PHLDB2: variants seen among roughly 807,000 people sequenced by gnomAD.
The protein encoded by PHLDB2 is pleckstrin homology-like domain family B member 2.
Under a neutral mutation model 123.6 loss-of-function variants are expected in PHLDB2, and 71 were observed. That is an observed-to-expected ratio of 0.57 (90% CI 0.47 to 0.70). The LOEUF (loss-of-function observed/expected upper bound fraction) is 0.70, where lower values mean the gene tolerates loss of function less well. Ranked by LOEUF, PHLDB2 falls within the 30% of genes least tolerant of loss-of-function variation. The pLI is 0.00. For missense variants in PHLDB2, 1,446 were observed against 1,519.5 expected (o/e 0.95, Z 0.80); for synonymous variants, 547 against 541.6 (o/e 1.01, Z -0.14).
intron 1 of PHLDB2, among the ~76,000 whole-genome samples, chr3:111,807,951 T>TTG (rs141713107): frequency 0.083 from 8,177 of 98,832 alleles, 254 homozygotes; most frequent in Middle Eastern, 0.15. Flanking sequence ...TGGGTGTTTT[T>TTG]TTTTTTTTTT....
intron 2 of PHLDB2, among the ~76,000 whole-genome samples, chr3:111,851,767 G>A (rs917292873): frequency 2.6e-5 from 4 of 151,928 alleles, no homozygotes; most frequent in Non-Finnish European, 5.9e-5. Context: ...TATTCGATGC[G>A]AAGCCTAAAA....
intron 1 of PHLDB2, among the ~76,000 whole-genome samples, chr3:111,877,531 A>G (rs1162119819): frequency 1.3e-5 from 2 of 152,166 alleles, no homozygotes; most frequent in African/African-American, 4.8e-5. Flanking sequence ...GCTCACTCTG[A>G]TAATAGTATC....
rs764871118 is a variant in PHLDB2, at chr3:111,885,381, A to G, written c.1304A>G (p.Glu435Gly). Residue 435 changes from glutamate (E) to glycine (G), a missense_variant, in exon 2 of 18, where the codon GAA (glutamate) becomes GGA (glycine). Transcript: ENST00000431670. The stretch of plus-strand genomic sequence containing the variant: ...GATTATCACCGGCGGCAGAGGGAGG[A>G]AAGACTCAGGGAGCAGGAAATGGAG... ...LMDYHRRQRE[E>G]RLREQEMERL... The G allele has an allele frequency of 6.2e-7, 1 of 1,614,126 alleles. No homozygotes were observed. The highest frequency in any genetic ancestry group is 8.5e-7 in the Non-Finnish European group (1 of 1,180,026).
intron 1 of PHLDB2, among the ~76,000 whole-genome samples, chr3:111,834,426 T>C (rs2063307643): frequency 6.7e-6 from 1 of 148,658 alleles, no homozygotes. Context: ...GCTTTACAAC[T>C]TGCTCTTTTC....
At chr3:111,945,666 A>C (rs2070250820) in intron 9 of PHLDB2, among the ~76,000 whole-genome samples, 1 of 152,180 alleles carries the variant, frequency 6.6e-6, no homozygotes, top group Non-Finnish European at 1.5e-5. Flanking sequence ...ATCCAGACCA[A>C]GATGAGTCTT....
intron 1 of PHLDB2, among the ~76,000 whole-genome samples, chr3:111,793,692 T>A (rs1230866561): frequency 6.6e-6 from 1 of 151,766 alleles, no homozygotes; most frequent in Non-Finnish European, 1.5e-5. Flanking sequence ...CTACCACTGA[T>A]GTTTATTCTA....
chr3:111,806,501 T>C (rs1024747718), intron 1 of PHLDB2, among the ~76,000 whole-genome samples: 1 of 152,180 alleles, frequency 6.6e-6, no homozygotes, highest in African/African-American at 2.4e-5. Flanking sequence ...TTTCTTTTTT[T>C]TGAGACGGAG....
At chr3:111,889,196 G>C (rs762689841) in intron 2 of PHLDB2, among the ~76,000 whole-genome samples, 114 of 152,114 alleles carry the variant, frequency 7.5e-4, no homozygotes, top group Non-Finnish European at 1.3e-3. Context: ...AAACATTCAA[G>C]TTTTTTTAAA....
intron 1 of PHLDB2, among the ~76,000 whole-genome samples, chr3:111,836,133 T>C (rs746556889): frequency 3.3e-5 from 5 of 152,144 alleles, no homozygotes; most frequent in Non-Finnish European, 4.4e-5. Flanking sequence ...TTCAATGATA[T>C]GACTTAAGAA....
At chr3:111,744,771 G>A (rs1012384266) in intron 1 of PHLDB2, among the ~76,000 whole-genome samples, 4 of 152,150 alleles carry the variant, frequency 2.6e-5, no homozygotes, top group Non-Finnish European at 2.9e-5. Flanking sequence ...TTAAAGAAAC[G>A]AGGATAACAC....
intron 1 of PHLDB2, among the ~76,000 whole-genome samples, chr3:111,822,756 C>T (rs1225393836): frequency 2.0e-5 from 3 of 152,172 alleles, no homozygotes. Flanking sequence ...TCCAAATTCC[C>T]TGCTTGGGAC....
At chr3:111,861,019 C>G (rs1382032519) in intron 1 of PHLDB2, among the ~76,000 whole-genome samples, 1 of 152,192 alleles carries the variant, frequency 6.6e-6, no homozygotes, top group Non-Finnish European at 1.5e-5. Context: ...CTCTGGGATT[C>G]TAACGTTTGA....
chr3:111,948,912 T>C lies in PHLDB2; in HGVS notation c.2488-20T>C. 6.2e-7 allele frequency: 1 copy of C among 1,612,652 alleles called. No individual in the cohort carries two copies. Among genetic ancestry groups the C allele is most frequent in the South Asian group, 1.1e-5 (1 of 91,032 alleles). ...AGCTTTTGCTTTCTTTGTGTTTAAC[T>C]TCTGAATTCCTCCTTTTAGGGCTAT... On this transcript the variant is annotated intron_variant, in intron 9 of 17. Coordinates refer to ENST00000431670, the MANE Select transcript of PHLDB2 (RefSeq NM_001134438.2).
intron 14 of PHLDB2, 42 bp from the exon 15 acceptor site, chr3:111,967,636 C>A: frequency 1.3e-6 from 2 of 1,554,546 alleles, no homozygotes; most frequent in South Asian, 1.2e-5. Flanking sequence ...TCAAGTATAA[C>A]CAGTATGTTT....
At position 111,869,599 on chromosome 3, in the gene PHLDB2, G is replaced by A. The variant is rs188267733; in HGVS notation, c.-15+10023G>A. On this transcript the variant is annotated intron_variant, in intron 1 of 17. Coordinates refer to ENST00000431670, the MANE Select transcript of PHLDB2 (RefSeq NM_001134438.2). ...CCAGCCCTGTCACCTGGTGAATTCC[G>A]AGGATGTGTCTTGTCTGAATTCTGA... Among the ~76,000 whole-genome samples the A allele has an allele frequency of 5.3e-3, 802 of 152,262 alleles. 2 individuals are homozygous for A. Among genetic ancestry groups the A allele is most frequent in the Non-Finnish European group, 8.8e-3 (601 of 68,018 alleles).
chr3:111,740,339 T>C (rs1173525926), intron 1 of PHLDB2, among the ~76,000 whole-genome samples: 1 of 142,466 alleles, frequency 7.0e-6, no homozygotes, highest in Non-Finnish European at 1.5e-5. Flanking sequence ...CTGCCTATTA[T>C]TGTCCTCATT....
At chr3:111,931,792 A>T (rs1162291577) in intron 5 of PHLDB2, among the ~76,000 whole-genome samples, 1 of 152,240 alleles carries the variant, frequency 6.6e-6, no homozygotes, top group African/African-American at 2.4e-5. Flanking sequence ...CTAACCTGAG[A>T]ACAAAACCAG....
At chr3:111,760,254 C>T (rs2059969896) in intron 1 of PHLDB2, among the ~76,000 whole-genome samples, 1 of 152,188 alleles carries the variant, frequency 6.6e-6, no homozygotes, top group African/African-American at 2.4e-5. Flanking sequence ...CAAACATTGT[C>T]CATCAGCAGA....
rs1559884185 is a variant in PHLDB2, at chr3:111,884,048, T to C, written c.-14-16T>C. The C allele has an allele frequency of 1.3e-6, 2 of 1,584,152 alleles. No individual in the cohort carries two copies. The highest frequency in any genetic ancestry group is 3.7e-5 in the Admixed American group (2 of 53,418). ...ATCTTCTTTAAGGCAAAATTTTCTG[T>C]TTTATTTCTTTACAGATTCCAGCAA... is the stretch of plus-strand genomic sequence containing the variant. On this transcript the variant is annotated splice_polypyrimidine_tract_variant and intron_variant, in intron 1 of 17. Coordinates refer to ENST00000431670, the MANE Select transcript of PHLDB2 (RefSeq NM_001134438.2).
Sources: gnomAD v4.1 joint callset for allele counts (sites outside exome capture counted in the v4.1 genomes callset) on GRCh38, gnomAD v4.1.1 for gene constraint, MANE v1.5 for transcripts, NCBI Gene and HGNC (gene_info 2026-07-23, HGNC 2026-07-21) for gene names.